The following PHF24 variants were observed in gnomAD, a reference collection of about 807,000 sequenced individuals.
PHF24 encodes Galpha inhibitory interacting protein.
In PHF24, 25 loss-of-function variants were observed where a neutral mutation model predicts 42.6. That is an observed-to-expected ratio of 0.59 (90% CI 0.43 to 0.82). The LOEUF (loss-of-function observed/expected upper bound fraction) is 0.82. PHF24 is among the 40% of genes least tolerant of loss of function. PHF24 has a pLI of 0.00. For missense variants in PHF24, 470 were observed against 538.1 expected (o/e 0.87, Z 1.25); for synonymous variants, 185 against 204.8 (o/e 0.90, Z 0.83).
At chr9:34,882,169 A>G in the PHF24 span, among the ~76,000 whole-genome samples, 2 of 152,244 alleles carry the variant, frequency 1.3e-5, no homozygotes, top group African/African-American at 2.4e-5. Context: ...ACAGCCATTC[A>G]TGCTAAAAAC....
At chr9:34,829,152 G>A in the PHF24 span, among the ~76,000 whole-genome samples, 3 of 152,048 alleles carry the variant, frequency 2.0e-5, no homozygotes, top group African/African-American at 2.4e-5. Context: ...CTGATGGAAC[G>A]GATGTGGACT....
At chr9:34,796,776 T>C in the PHF24 span, among the ~76,000 whole-genome samples, 6 of 152,170 alleles carry the variant, frequency 3.9e-5, no homozygotes, top group South Asian at 6.2e-4. Context: ...GTTAAACATA[T>C]ACTTTCCAGG....
the PHF24 span, among the ~76,000 whole-genome samples, chr9:34,672,545 C>G: frequency 6.6e-6 from 1 of 152,042 alleles, no homozygotes; most frequent in African/African-American, 2.4e-5. Context: ...GGGGACATAC[C>G]TGGTGAGATC....
At chr9:34,914,193 G>A in the PHF24 span, among the ~76,000 whole-genome samples, 2 of 151,846 alleles carry the variant, frequency 1.3e-5, no homozygotes, top group Non-Finnish European at 2.9e-5. Context: ...TTAATATCAT[G>A]GGTTTTTTCC....
chr9:34,804,205 G>A, the PHF24 span, among the ~76,000 whole-genome samples: 1 of 152,144 alleles, frequency 6.6e-6, no homozygotes, highest in African/African-American at 2.4e-5. Flanking sequence ...TTTGAATTGG[G>A]TTTCTGTCAT....
the PHF24 span, among the ~76,000 whole-genome samples, chr9:34,740,662 G>A: frequency 2.0e-5 from 3 of 152,218 alleles, no homozygotes; most frequent in Admixed American, 2.0e-4. Context: ...TCCAGCCTTG[G>A]TCAGCCCAGA....
the PHF24 span, among the ~76,000 whole-genome samples, chr9:34,906,899 T>C: frequency 2.0e-5 from 3 of 152,170 alleles, no homozygotes; most frequent in African/African-American, 7.2e-5. Flanking sequence ...ACACACTATT[T>C]TTAAAGAGAA....
chr9:34,723,254 T>G, the PHF24 span: 393 of 1,551,638 alleles, frequency 2.5e-4, 2 homozygotes, highest in African/African-American at 4.5e-3. Flanking sequence ...CCCTGGTTTG[T>G]TGGCACAAGC....
chr9:34,862,078 G>A, the PHF24 span, among the ~76,000 whole-genome samples: 2 of 152,186 alleles, frequency 1.3e-5, no homozygotes, highest in African/African-American at 4.8e-5. Context: ...CACGGTGGAA[G>A]GGGCAAGACA....
the PHF24 span, chr9:34,836,924 C>A: frequency 1.6e-5 from 5 of 321,300 alleles, no homozygotes; most frequent in East Asian, 1.7e-4. Flanking sequence ...GCCTTTGCAA[C>A]CCTCTCAACT....
At chr9:34,950,506 GT>G in the PHF24 span, among the ~76,000 whole-genome samples, 3 of 152,166 alleles carry the variant, frequency 2.0e-5, no homozygotes, top group Admixed American at 6.5e-5. Flanking sequence ...GTGTCAGAGA[GT>G]AAGTCTCCAG....
chr9:34,838,545 G>C, the PHF24 span: 1 of 1,191,840 alleles, frequency 8.4e-7, no homozygotes, highest in Non-Finnish European at 1.2e-6. Context: ...TCGGCATTCA[G>C]GGTTCTGGTG....
the PHF24 span, chr9:34,689,900 G>A: frequency 6.2e-7 from 1 of 1,614,086 alleles, no homozygotes; most frequent in East Asian, 2.2e-5. The surrounding 1 kb of genome is among the most constrained non-coding windows in gnomAD (Gnocchi z 4.1). Context: ...CTCAGAGGGA[G>A]GAGACAGGGC....
At chr9:34,971,408 C>G (rs539925865) in exon 2 of PHF24, 2 of 1,614,024 alleles carry the variant, frequency 1.2e-6, no homozygotes, top group Non-Finnish European at 1.7e-6. Context: ...ATCCGACGCA[C>G]AGGTGAGCTG....
At chr9:34,890,299 T>A in the PHF24 span, among the ~76,000 whole-genome samples, 1 of 152,194 alleles carries the variant, frequency 6.6e-6, no homozygotes, top group Non-Finnish European at 1.5e-5. Flanking sequence ...CCAGCTGCTT[T>A]GAATGTCATC....
chr9:34,972,293 A>C lies in PHF24; in HGVS notation c.379-53A>C, dbSNP rs1827020218. ...TAGCTCTGTGCTTAGTGGCCTTGGA[A>C]TCTTGCTGCCTACATTTACACATCC... On this transcript the variant is annotated intron_variant, in intron 2 of 7. Transcript: ENST00000242315. 6 of 1,514,862 alleles carry C rather than the reference A, an allele frequency of 4.0e-6. No homozygotes were observed. In the African/African-American group the frequency reaches 6.9e-5, roughly 17 times the overall value. The allele number at this position is 1,514,862 out of a possible 1,614,324, so 93.8% of individuals were successfully genotyped here.
the PHF24 span, among the ~76,000 whole-genome samples, chr9:34,762,780 T>C: frequency 6.6e-6 from 1 of 152,220 alleles, no homozygotes; most frequent in Non-Finnish European, 1.5e-5. Context: ...CCCATGCCTA[T>C]GTCTTGAATG....
the PHF24 span, among the ~76,000 whole-genome samples, chr9:34,759,853 G>A: frequency 6.6e-6 from 1 of 152,302 alleles, no homozygotes; most frequent in East Asian, 1.9e-4. Context: ...TCAGAGCTCA[G>A]CCAAGGGCTG....
At chr9:34,743,651 C>T in the PHF24 span, among the ~76,000 whole-genome samples, 1 of 152,196 alleles carries the variant, frequency 6.6e-6, no homozygotes, top group African/African-American at 2.4e-5. Flanking sequence ...ATTTACAGCT[C>T]TTCTTGAGTT....
Sources: gnomAD v4.1 joint callset for allele counts (sites outside exome capture counted in the v4.1 genomes callset) on GRCh38, gnomAD v4.1.1 for gene constraint, Gnocchi (gnomAD v3.1) non-coding constraint, MANE v1.5 for transcripts, NCBI Gene and HGNC (gene_info 2026-07-23, HGNC 2026-07-21) for gene names.